The following STAB2 variants were observed in gnomAD, a reference collection of about 807,000 sequenced individuals.
STAB2 encodes the protein stabilin 2.
In STAB2, 288 loss-of-function variants were observed where a neutral mutation model predicts 338.1. That is an observed-to-expected ratio of 0.85 (90% CI 0.77 to 0.94). STAB2 has a LOEUF of 0.94. Ranked by LOEUF, STAB2 falls within the 40% of genes least tolerant of loss-of-function variation. The pLI is 0.00. For synonymous variants in STAB2, 1,202 were observed against 1,193.3 expected, an observed-to-expected ratio of 1.01 and a Z score of -0.15; for missense variants, 3,141 against 3,210.1, an observed-to-expected ratio of 0.98 and a Z score of 0.52.
intron 61 of STAB2, 131 bp from the exon 62 acceptor site, chr12:103,755,171 G>A: frequency 7.9e-7 from 1 of 1,263,798 alleles, no homozygotes. Context: ...TGTGTGCCAG[G>A]CACAGAGGTG....
At chr12:103,615,118 G>C (rs993043136) in intron 3 of STAB2, among the ~76,000 whole-genome samples, 3 of 152,170 alleles carry the variant, frequency 2.0e-5, no homozygotes, top group Admixed American at 2.0e-4. Flanking sequence ...AGTGTCTGTG[G>C]GGATATATCC....
In STAB2 at chr12:103,683,231, T is replaced by C. The variant is rs2138870061; in HGVS notation, c.2832T>C (p.Phe944=). Residue 944 remains phenylalanine (F), a synonymous_variant, in exon 26 of 69, where the codon TTT becomes TTC. Transcript: ENST00000388887. ...GQNECECKKG[F]RGNGIDCEPI... The stretch of plus-strand genomic sequence containing the variant: ...ATGAGTGTGAGTGCAAGAAAGGATT[T>C]CGAGGAAATGGGATTGACTGTGAAC... 1 of 1,613,224 alleles carries C rather than the reference T, an allele frequency of 6.2e-7. No individual in the cohort carries two copies. Among genetic ancestry groups the C allele is most frequent in the Non-Finnish European group, 8.5e-7 (1 of 1,179,624 alleles).
chr12:103,742,571 C>T lies in STAB2; in HGVS notation c.6031+17C>T. ...ATTGTCTGCGTATGTGGCGCCGCTT[C>T]TCCGTGCTAGAGCTTGTTTTTTGAC... On this transcript the variant is annotated intron_variant, in intron 56 of 68. Coordinates refer to ENST00000388887, the MANE Select transcript of STAB2 (RefSeq NM_017564.10). The T allele has an allele frequency of 6.2e-7, 1 of 1,613,998 alleles. No individual in the cohort carries two copies. The highest frequency in any genetic ancestry group is 8.5e-7 in the Non-Finnish European group (1 of 1,179,930).
Position 103,746,649 on chromosome 12 carries a change from GAAC to G in STAB2, c.6194_6196del (p.Asn2065del). Reference sequence around the variant, plus strand: ...GTTCTGCTCATGCCACCTGTAAGGAGAACAACACGTGTGAGTGTAACCTGGATT... The same window carrying G: ...GTTCTGCTCATGCCACCTGTAAGGAGAACACGTGTGAGTGTAACCTGGATT... On this transcript the variant is annotated inframe_deletion, in exon 58 of 69. Coordinates refer to ENST00000388887, the MANE Select transcript of STAB2 (RefSeq NM_017564.10). The G allele has an allele frequency of 3.1e-6, 5 of 1,614,124 alleles. No individual in the cohort carries two copies. The highest frequency in any genetic ancestry group is 1.7e-5 in the Admixed American group (1 of 60,022).
intron 3 of STAB2, among the ~76,000 whole-genome samples, chr12:103,613,447 G>A (rs1485891990): frequency 1.3e-5 from 2 of 152,322 alleles, no homozygotes; most frequent in East Asian, 3.9e-4. Context: ...TGCTGTGCTA[G>A]CAATGAGTGA....
Position 103,669,626 on chromosome 12 carries a change from A to G in STAB2, c.2258A>G (p.Gln753Arg). The G allele has an allele frequency of 6.2e-7, 1 of 1,613,712 alleles. No individual in the cohort carries two copies. The highest frequency in any genetic ancestry group is 8.5e-7 in the Non-Finnish European group (1 of 1,179,596). Residue 753 changes from glutamine to arginine, a missense_variant and splice_region_variant, in exon 21 of 69, where the codon CAG (glutamine) becomes CGG (arginine). By Grantham distance (43) the Gln-to-Arg change is conservative. Transcript: ENST00000388887. ...GFSNPCSGNG[Q>R]CADSLGGNGT... is the part of the protein sequence containing the mutation. ...TCAAATCCATGCTCAGGAAATGGAC[A>G]GGTGAATACTGAAGACTGGCCTTCC... is the stretch of plus-strand genomic sequence containing the variant.
At chr12:103,699,352 C>A in intron 34 of STAB2, 125 bp downstream of exon 34, 1 of 1,220,332 alleles carries the variant, frequency 8.2e-7, no homozygotes, top group Non-Finnish European at 1.1e-6. Context: ...TTTCACACTG[C>A]TGATAAAGAC....
chr12:103,668,588 C>T, intron 19 of STAB2, 55 bp from the exon 20 acceptor site: 1 of 1,475,812 alleles, frequency 6.8e-7, no homozygotes, highest in Non-Finnish European at 9.2e-7. Flanking sequence ...GTGTGCAGTG[C>T]CTGGAGGACC....
chr12:103,650,504 T>A lies in STAB2; in HGVS notation c.1183T>A (p.Tyr395Asn). Residue 395 changes from tyrosine (Y) to asparagine (N), a missense_variant, in exon 11 of 69, where the codon TAT becomes AAT. Physicochemically the swap from Tyr to Asn is moderately radical, Grantham distance 143. Coordinates refer to ENST00000388887, the MANE Select transcript of STAB2 (RefSeq NM_017564.10). ...TSFISLLDKAYAWPLSKLGPF... is the reference protein window; with the variant it reads ...TSFISLLDKANAWPLSKLGPF... ...TTATTTCGACTCCTAAGACAAAGCT[T>A]ATGCCTGGCCACTGAGTAAGCTGGG... 6.2e-7 allele frequency: 1 copy of A among 1,613,156 alleles called. No individual in the cohort carries two copies. Among genetic ancestry groups the A allele is most frequent in the Non-Finnish European group, 8.5e-7 (1 of 1,179,216 alleles).
intron 44 of STAB2, among the ~76,000 whole-genome samples, chr12:103,723,495 A>G (rs190103673): frequency 6.6e-6 from 1 of 152,386 alleles, no homozygotes; most frequent in African/African-American, 2.4e-5. Context: ...TGTGGGAGTT[A>G]TAATTCAAAA....
chr12:103,746,526 A>C (rs901527522), intron 57 of STAB2, 71 bp from the exon 58 acceptor site: 3 of 1,450,542 alleles, frequency 2.1e-6, no homozygotes, highest in Non-Finnish European at 9.7e-7. Flanking sequence ...AGAGTCTTGG[A>C]AAGTCTCCTT....
chr12:103,692,651 G>T (rs1317840190), intron 30 of STAB2, among the ~76,000 whole-genome samples, 161 bp from the exon 31 acceptor site: 2 of 150,472 alleles, frequency 1.3e-5, no homozygotes, highest in African/African-American at 4.9e-5. Flanking sequence ...GAGAGAGAGA[G>T]GGGTCTATGG....
chr12:103,629,039 TA>T (rs969927438), intron 5 of STAB2, among the ~76,000 whole-genome samples: 5 of 152,062 alleles, frequency 3.3e-5, no homozygotes, highest in Non-Finnish European at 7.4e-5. Context: ...CAGGGCACCG[TA>T]AAAGATGTGG....
Position 103,676,018 on chromosome 12 carries a change from C to G in STAB2, c.2643C>G (p.Arg881=), listed in dbSNP as rs1278588502. 6.3e-7 allele frequency: 1 copy of G among 1,594,952 alleles called. No individual in the cohort carries two copies. The change falls in exon 24 of 69, where the codon CGC becomes CGG. Residue 881 remains arginine, a synonymous_variant. Transcript: ENST00000388887. ...CTGLTPGGCS[R]NAECIKTGTG... ...GACTAACTCCAGGAGGCTGTAGCCGCAATGTGAGTACTGGTCTTCATTTCC... is the reference window on the plus strand; with the variant it reads ...GACTAACTCCAGGAGGCTGTAGCCGGAATGTGAGTACTGGTCTTCATTTCC...
intron 44 of STAB2, among the ~76,000 whole-genome samples, chr12:103,718,887 T>G (rs1880538280): frequency 6.6e-6 from 1 of 152,190 alleles, no homozygotes; most frequent in South Asian, 2.1e-4. Context: ...GTCCCTGGAA[T>G]TCCTTTTACC....
At chr12:103,761,244 T>G in intron 65 of STAB2, 56 bp from the exon 66 acceptor site, 2 of 1,544,102 alleles carry the variant, frequency 1.3e-6, no homozygotes, top group Non-Finnish European at 1.8e-6. Flanking sequence ...CTTCCCTCCA[T>G]GGAGGGCTGC....
intron 58 of STAB2, among the ~76,000 whole-genome samples, chr12:103,747,499 T>G (rs1274846179): frequency 6.6e-6 from 1 of 152,160 alleles, no homozygotes; most frequent in East Asian, 1.9e-4. Flanking sequence ...AAGCCCAGCC[T>G]GGACAGCAAG....
At chr12:103,714,816 T>C (rs933604837) in intron 42 of STAB2, among the ~76,000 whole-genome samples, 3 of 152,242 alleles carry the variant, frequency 2.0e-5, no homozygotes, top group African/African-American at 7.2e-5. Context: ...AGTGTATATT[T>C]CCTAAGAATA....
intron 15 of STAB2, among the ~76,000 whole-genome samples, chr12:103,658,221 G>C (rs2138758500): frequency 6.6e-6 from 1 of 152,340 alleles, no homozygotes; most frequent in Admixed American, 6.5e-5. Flanking sequence ...TGGCACCAAA[G>C]AACTTGAGTT....
Sources: gnomAD v4.1 joint callset for allele counts (sites outside exome capture counted in the v4.1 genomes callset) on GRCh38, gnomAD v4.1.1 for gene constraint, MANE v1.5 for transcripts, NCBI Gene and HGNC (gene_info 2026-07-23, HGNC 2026-07-21) for gene names.